Variants in RGL4 observed in about 807,000 individuals in gnomAD.
The protein encoded by RGL4 is ral-GDS-related protein.
In RGL4, 41 loss-of-function variants were observed where a neutral mutation model predicts 49.6. The observed-to-expected ratio is 0.83, with a 90% CI of 0.64 to 1.07. The LOEUF (loss-of-function observed/expected upper bound fraction) is 1.07, where lower values mean the gene tolerates loss of function less well. Among genes scored for constraint, RGL4 ranks in the 50% least tolerant of loss-of-function variants. RGL4 has a pLI of 0.00. For synonymous variants in RGL4, 255 were observed against 238.0 expected, an observed-to-expected ratio of 1.07 and a Z score of -0.66; for missense variants, 610 against 591.9, an observed-to-expected ratio of 1.03 and a Z score of -0.32.
chr22:23,696,461 T>C (rs772909789), intron 6 of RGL4, 153 bp from the exon 7 acceptor site: 80 of 1,545,290 alleles, frequency 5.2e-5, no homozygotes, highest in Middle Eastern at 1.7e-4. Context: ...CAAGACTGGG[T>C]GACACACACA....
intron 3 of RGL4, 71 bp downstream of exon 3, chr22:23,693,062 A>G (rs1483224944): frequency 6.7e-7 from 1 of 1,502,310 alleles, no homozygotes; most frequent in African/African-American, 1.4e-5. Flanking sequence ...CCTGAGGAGC[A>G]GCCAATGCCC....
At position 23,699,055 on chromosome 22, in the gene RGL4, TC is replaced by T; in HGVS notation, c.*173del. ...CACCAACTGCTCCTGCTGGCCAGGA[TC>T]AGGCCATGGGACTTTTGTGAGTCAG... is the stretch of plus-strand genomic sequence containing the variant. On this transcript the variant is annotated 3_prime_UTR_variant, in exon 11 of 11. Transcript: ENST00000290691. The T allele has an allele frequency of 6.5e-7, 1 of 1,545,226 alleles. No individual in the cohort carries two copies. Among genetic ancestry groups the T allele is most frequent in the Non-Finnish European group, 8.7e-7 (1 of 1,146,506 alleles).
In RGL4 at chr22:23,699,053, G is replaced by C. The variant is rs549310124; in HGVS notation, c.*170G>C. The C allele has an allele frequency of 3.9e-6, 6 of 1,545,382 alleles. No homozygotes were observed. The South Asian group carries it at 7.2e-5, about 19-fold the overall frequency. ...ATCACCAACTGCTCCTGCTGGCCAGGATCAGGCCATGGGACTTTTGTGAGT... is the reference window on the plus strand; with the variant it reads ...ATCACCAACTGCTCCTGCTGGCCAGCATCAGGCCATGGGACTTTTGTGAGT... On this transcript the variant is annotated 3_prime_UTR_variant, in exon 11 of 11. Coordinates refer to ENST00000290691, the MANE Select transcript of RGL4 (RefSeq NM_153615.2).
Position 23,696,653 on chromosome 22 carries a change from CAG to C in RGL4, c.1131_1132del (p.Arg377SerfsTer22), listed in dbSNP as rs1923517745. Reference protein sequence around the residue: ...FKVATQERNPQRVQMRLRRQK... With the variant: ...FKVATQERNPXRVQMRLRRQK... ...GGTGGCCACCCAGGAGAGGAACCCC[CAG>C]AGAGTCCAGATGAGGCTGCGGAGGC... On this transcript the variant is annotated frameshift_variant, in exon 7 of 11. Coordinates refer to ENST00000290691, the MANE Select transcript of RGL4 (RefSeq NM_153615.2). LOFTEE classifies it high-confidence loss of function. The C allele has an allele frequency of 6.2e-7, 1 of 1,613,700 alleles. No individual in the cohort carries two copies. Among genetic ancestry groups the C allele is most frequent in the Non-Finnish European group, 8.5e-7 (1 of 1,179,854 alleles).
chr22:23,693,193 C>A, intron 3 of RGL4: 1 of 907,658 alleles, frequency 1.1e-6, no homozygotes, highest in Non-Finnish European at 1.6e-6. Flanking sequence ...GCCAGCTGCA[C>A]AGAGTGACTG....
At chr22:23,694,546 G>A in intron 5 of RGL4, 96 bp downstream of exon 5, 1 of 853,468 alleles carries the variant, frequency 1.2e-6, no homozygotes, top group Non-Finnish European at 1.9e-6. Flanking sequence ...GGTTCTTGGA[G>A]TCCAGGGACA....
chr22:23,692,481 T>A lies in RGL4; in HGVS notation c.326T>A (p.Val109Asp). 6.2e-7 allele frequency: 1 copy of A among 1,614,168 alleles called. No homozygotes were observed. Among genetic ancestry groups the A allele is most frequent in the Non-Finnish European group, 8.5e-7 (1 of 1,180,020 alleles). The change falls in exon 2 of 11, where the codon GTC becomes GAC. Residue 109 changes from valine (V) to aspartate (D), a missense_variant. Coordinates refer to ENST00000290691, the MANE Select transcript of RGL4 (RefSeq NM_153615.2). Reference sequence around the variant, plus strand: ...GGCTTGGAGGACCATCAGGAAATTGTCCTAGGCCAGTTGGTGCTTCCGGAG... The same window carrying A: ...GGCTTGGAGGACCATCAGGAAATTGACCTAGGCCAGTTGGTGCTTCCGGAG... The part of the protein sequence containing the change: ...GLGLEDHQEI[V>D]LGQLVLPEPN...
intron 9 of RGL4, 54 bp from the exon 10 acceptor site, chr22:23,698,158 C>T: frequency 6.4e-7 from 1 of 1,574,026 alleles, no homozygotes; most frequent in South Asian, 1.1e-5. Flanking sequence ...CTGCCAAAGG[C>T]CCCCACAGCA....
At chr22:23,693,733 C>A in intron 3 of RGL4, 26 bp from the exon 4 acceptor site, 1 of 1,582,002 alleles carries the variant, frequency 6.3e-7, no homozygotes, top group Non-Finnish European at 8.7e-7. Flanking sequence ...GTGCTGTGTC[C>A]GTGACACTCT....
intron 1 of RGL4, 26 bp downstream of exon 1, chr22:23,692,235 G>A (rs757798242): frequency 3.1e-6 from 5 of 1,609,640 alleles, no homozygotes; most frequent in Non-Finnish European, 4.2e-6. Flanking sequence ...CCTCCACACT[G>A]GCAGCAACAG....
At position 23,692,054 on chromosome 22, in the gene RGL4, G is replaced by A. The variant is rs1297883775; in HGVS notation, c.24G>A (p.Leu8=). 6.2e-7 allele frequency: 1 copy of A among 1,613,812 alleles called. No homozygotes were observed. Among genetic ancestry groups the A allele is most frequent in the Non-Finnish European group, 8.5e-7 (1 of 1,179,896 alleles). ...TGATGAGGAAGCTGCTCACAAATCT[G>A]CCTGCAGCTGCAGTCTTGAGTGCCC... MRKLLTN[L]PAAAVLSAQV... is the part of the protein sequence containing the mutation. The change falls in exon 1 of 11, where the codon CTG becomes CTA. Residue 8 remains leucine (L), a synonymous_variant. Transcript: ENST00000290691.
At chr22:23,695,109 G>GT in intron 6 of RGL4, 90 bp downstream of exon 6, 1 of 1,017,714 alleles carries the variant, frequency 9.8e-7, no homozygotes, top group Non-Finnish European at 1.5e-6. Flanking sequence ...GTGTCGAGTG[G>GT]TTATTTTGTT....
rs776403289 is a variant in RGL4, at chr22:23,692,094, G to A, written c.64G>A (p.Val22Met). The A allele has an allele frequency of 1.2e-6, 2 of 1,614,132 alleles. No homozygotes were observed. The highest frequency in any genetic ancestry group is 2.2e-5 in the East Asian group (1 of 44,882). ...AVLSAQVYSA[V>M]LQGLWEENVC... ...CTTGAGTGCCCAGGTGTACAGTGCTGTGCTCCAGGGCCTTTGGGAAGAGAA... is the reference window on the plus strand; with the variant it reads ...CTTGAGTGCCCAGGTGTACAGTGCTATGCTCCAGGGCCTTTGGGAAGAGAA... The change falls in exon 1 of 11, where the codon GTG becomes ATG. Residue 22 changes from valine to methionine, a missense_variant. Val to Met is a conservative substitution (Grantham distance 21). Transcript: ENST00000290691.
chr22:23,696,723 G>T, intron 7 of RGL4, 35 bp downstream of exon 7: 1 of 1,585,266 alleles, frequency 6.3e-7, no homozygotes, highest in Non-Finnish European at 8.6e-7. Context: ...GGCCGCAGGG[G>T]ATCAGAGGAC....
At position 23,698,927 on chromosome 22, in the gene RGL4, GC is replaced by G; in HGVS notation, c.*46del. The G allele has an allele frequency of 6.2e-7, 1 of 1,604,920 alleles. No individual in the cohort carries two copies. Among genetic ancestry groups the G allele is most frequent in the Non-Finnish European group, 8.5e-7 (1 of 1,175,810 alleles). On this transcript the variant is annotated 3_prime_UTR_variant, in exon 11 of 11. Transcript: ENST00000290691. ...TGGCTGGGAACCCACCGGGATGCTG[GC>G]CAGAACACCGGCTCTGCACCATCCC...
rs371995176 is a variant in RGL4, at chr22:23,694,382, C to A, written c.948C>A (p.His316Gln). The change falls in exon 5 of 11, where the codon CAC becomes CAA. Residue 316 changes from histidine (H) to glutamine (Q), a missense_variant. By Grantham distance (24) the His-to-Gln change is conservative. Coordinates refer to ENST00000290691, the MANE Select transcript of RGL4 (RefSeq NM_153615.2). ...GCCTCAACAACTTCTCCTCGGTGCA[C>A]GTCATCGTCTCTGCTCTGTGCAGCA... ...CLSLNNFSSV[H>Q]VIVSALCSNP... The A allele has an allele frequency of 1.2e-6, 2 of 1,613,892 alleles. No individual in the cohort carries two copies. The highest frequency in any genetic ancestry group is 1.3e-5 in the African/African-American group (1 of 74,910).
Position 23,692,403 on chromosome 22 carries a change from G to A in RGL4, c.248G>A (p.Arg83Gln), listed in dbSNP as rs1017165838. The A allele has an allele frequency of 2.0e-5, 32 of 1,614,056 alleles. No individual in the cohort carries two copies. Among genetic ancestry groups the A allele is most frequent in the African/African-American group, 5.3e-5 (4 of 74,902 alleles). ...NTSVYYQPPQ[R>Q]SSFRIKLAFR... ...TCAGTTTACTATCAGCCCCCGCAAC[G>A]GTCATCTTTCCGGATAAAGCTGGCC... The change falls in exon 2 of 11, where the codon CGG becomes CAG. Residue 83 changes from arginine (R) to glutamine (Q), a missense_variant. Coordinates refer to ENST00000290691, the MANE Select transcript of RGL4 (RefSeq NM_153615.2).
chr22:23,694,300 G>C (rs759672441), intron 4 of RGL4, 47 bp from the exon 5 acceptor site: 1 of 1,425,282 alleles, frequency 7.0e-7, no homozygotes, highest in Non-Finnish European at 9.9e-7. Context: ...GGCTGTAGTG[G>C]GCCAAGCTCC....
rs1462330500 is a variant in RGL4, at chr22:23,694,990, A to G, written c.1057A>G (p.Thr353Ala). The change falls in exon 6 of 11, where the codon ACT (threonine) becomes GCT (alanine). Residue 353 changes from threonine (T) to alanine (A), a missense_variant. Physicochemically the swap from Thr to Ala is moderately conservative, Grantham distance 58. Transcript: ENST00000290691. ...GCTAAAAGAACTCTGCAAAAAAGAC[A>G]CTGCAGTGAAGAGGGACCTACTGAT... ...KELKELCKKD[T>A]AVKRDLLIKA... 4 of 1,613,470 alleles carry G rather than the reference A, an allele frequency of 2.5e-6. No individual in the cohort carries two copies. The Admixed American group carries it at 6.7e-5, about 27-fold the overall frequency.
Sources: allele counts gnomAD v4.1 joint callset, GRCh38; gene constraint gnomAD v4.1.1; transcripts MANE v1.5; gene names NCBI Gene and HGNC (gene_info 2026-07-23, HGNC 2026-07-21).